Variants in ESR1 observed in about 807,000 individuals in gnomAD.
ESR1 encodes the protein estrogen receptor.
Under a neutral mutation model 52.7 loss-of-function variants are expected in ESR1, and 12 were observed. The observed-to-expected ratio is 0.23, with a 90% CI of 0.15 to 0.37. ESR1 has a LOEUF of 0.37. Among genes scored for constraint, ESR1 ranks in the 10% least tolerant of loss-of-function variants. ESR1 has a pLI of 1.00. For synonymous variants in ESR1, 305 were observed against 316.8 expected (o/e 0.96, Z 0.39); for missense variants, 584 against 779.7 (o/e 0.75, Z 2.99).
At chr6:151,942,760 G>A (rs894922842) in intron 3 of ESR1, among the ~76,000 whole-genome samples, 2 of 151,976 alleles carry the variant, frequency 1.3e-5, no homozygotes, top group Non-Finnish European at 2.9e-5. Flanking sequence ...CAAGTGATAT[G>A]TTATAAAGAG....
intron 2 of ESR1, among the ~76,000 whole-genome samples, chr6:151,744,179 T>C (rs1340697673): frequency 6.6e-6 from 1 of 152,208 alleles, no homozygotes; most frequent in Non-Finnish European, 1.5e-5. Context: ...TTTCCACTTT[T>C]TGGCTATGTG....
chr6:152,042,222 G>T (rs924181292), intron 5 of ESR1, among the ~76,000 whole-genome samples: 52 of 152,216 alleles, frequency 3.4e-4, no homozygotes, highest in African/African-American at 1.2e-3. Flanking sequence ...GCCAATGTGG[G>T]GGTTCTGCCA....
Position 151,837,611 on chromosome 6 carries a change from A to G in ESR1, c.453-4986A>G, listed in dbSNP as rs992082816. On this transcript the variant is annotated intron_variant, in intron 1 of 7. Coordinates refer to ENST00000206249, the MANE Select transcript of ESR1 (RefSeq NM_000125.4). Reference sequence around the variant, plus strand: ...ACTTGGTGCTTCGTGGTTGTAATGCATTGTCATAGATGCGTTCATTTCTCA... The same window carrying G: ...ACTTGGTGCTTCGTGGTTGTAATGCGTTGTCATAGATGCGTTCATTTCTCA... Among the ~76,000 whole-genome samples, 6 of 152,098 alleles carry G rather than the reference A, an allele frequency of 3.9e-5. No individual in the cohort carries two copies. The South Asian group carries it at 8.3e-4, about 21-fold the overall frequency.
At chr6:152,033,016 A>T (rs941366725) in intron 5 of ESR1, among the ~76,000 whole-genome samples, 6 of 152,206 alleles carry the variant, frequency 3.9e-5, no homozygotes, top group Admixed American at 1.3e-4. Context: ...TCTTTGACAA[A>T]CCTGAGAAAA....
chr6:151,726,050 T>G (rs531803941), intron 2 of ESR1, among the ~76,000 whole-genome samples: 39 of 152,288 alleles, frequency 2.6e-4, no homozygotes, highest in African/African-American at 9.4e-4. Context: ...GTTTGATGTA[T>G]GCAGGGCACG....
At chr6:152,092,291 C>T (rs770075195) in intron 6 of ESR1, among the ~76,000 whole-genome samples, 2 of 152,218 alleles carry the variant, frequency 1.3e-5, no homozygotes, top group Non-Finnish European at 2.9e-5. Flanking sequence ...CCCCAGGGTA[C>T]CAAAAGCTAC....
intron 4 of ESR1, among the ~76,000 whole-genome samples, chr6:151,948,211 G>GT (rs141929405): frequency 0.16 from 24,426 of 152,006 alleles, 2,246 homozygotes; most frequent in African/African-American, 0.23. Flanking sequence ...ATACATCTGA[G>GT]TTTTTTTCCC....
At chr6:151,981,174 T>C (rs1403533583) in intron 4 of ESR1, among the ~76,000 whole-genome samples, 1 of 152,230 alleles carries the variant, frequency 6.6e-6, no homozygotes, top group African/African-American at 2.4e-5. Context: ...TCTAGTCTTG[T>C]TCATCTTGCA....
At chr6:151,957,166 C>T (rs2037092129) in intron 4 of ESR1, among the ~76,000 whole-genome samples, 1 of 151,962 alleles carries the variant, frequency 6.6e-6, no homozygotes, top group South Asian at 2.1e-4. Context: ...TGTGAACCAC[C>T]ACGTGCGACC....
intron 2 of ESR1, among the ~76,000 whole-genome samples, chr6:151,716,328 G>A (rs1242905375): frequency 6.6e-6 from 1 of 152,180 alleles, no homozygotes; most frequent in Non-Finnish European, 1.5e-5. Context: ...ACTTGAGCAG[G>A]TAGTCTGTCC....
At chr6:151,810,855 A>T (rs1778717806) in intron 1 of ESR1, among the ~76,000 whole-genome samples, 1 of 152,250 alleles carries the variant, frequency 6.6e-6, no homozygotes, top group South Asian at 2.1e-4. Flanking sequence ...TGTTCAGTAG[A>T]AAACAAAAAA....
intron 4 of ESR1, among the ~76,000 whole-genome samples, chr6:151,967,637 A>G (rs968101604): frequency 2.0e-5 from 3 of 152,234 alleles, no homozygotes; most frequent in African/African-American, 7.2e-5. Context: ...TAGTGCCACA[A>G]TAAACATACG....
intron 2 of ESR1, among the ~76,000 whole-genome samples, chr6:151,717,784 T>C (rs1781162107): frequency 6.6e-6 from 1 of 152,180 alleles, no homozygotes; most frequent in Admixed American, 6.5e-5. Flanking sequence ...AATTAGATAA[T>C]TGATTGAATT....
intron 5 of ESR1, among the ~76,000 whole-genome samples, chr6:152,055,967 T>C (rs1055036560): frequency 5.3e-5 from 8 of 152,214 alleles, no homozygotes; most frequent in African/African-American, 1.9e-4. Flanking sequence ...TTACAGTACG[T>C]TGTGATGTTT....
chr6:152,122,350 A>G, intron 6 of ESR1: 2 of 1,609,646 alleles, frequency 1.2e-6, no homozygotes, highest in Non-Finnish European at 1.7e-6. Flanking sequence ...CGCCAAGATC[A>G]AGGTCCTCTT....
At chr6:151,856,904 T>C (rs1290266505) in intron 2 of ESR1, among the ~76,000 whole-genome samples, 2 of 152,304 alleles carry the variant, frequency 1.3e-5, no homozygotes, top group East Asian at 3.9e-4. Context: ...AGTGTCAAAC[T>C]TCCTGATTGA....
At chr6:151,797,745 AT>A (rs1234478363) in intron 2 of ESR1, among the ~76,000 whole-genome samples, 1 of 152,178 alleles carries the variant, frequency 6.6e-6, no homozygotes, top group Non-Finnish European at 1.5e-5. Flanking sequence ...CTAACAAGGG[AT>A]GGTTTGATAC....
At chr6:151,988,128 T>A (rs1283036766) in intron 4 of ESR1, among the ~76,000 whole-genome samples, 1 of 152,156 alleles carries the variant, frequency 6.6e-6, no homozygotes, top group Non-Finnish European at 1.5e-5. Context: ...ACATTAATTG[T>A]GCACTTTATT....
At chr6:152,090,099 A>G (rs562907346) in intron 6 of ESR1, among the ~76,000 whole-genome samples, 2 of 152,306 alleles carry the variant, frequency 1.3e-5, no homozygotes, top group African/African-American at 2.4e-5. Context: ...TAGGAGAAGC[A>G]TACAACAAAC....
Sources: gnomAD v4.1 joint callset for allele counts (sites outside exome capture counted in the v4.1 genomes callset) on GRCh38, gnomAD v4.1.1 for gene constraint, MANE v1.5 for transcripts, NCBI Gene and HGNC (gene_info 2026-07-23, HGNC 2026-07-21) for gene names.